SLCO6A1: variants seen among roughly 807,000 people sequenced by gnomAD.
SLCO6A1 encodes solute carrier organic anion transporter family member 6A1.
Under a neutral mutation model 72.7 loss-of-function variants are expected in SLCO6A1, and 65 were observed. The observed-to-expected ratio is 0.89, with a 90% CI of 0.73 to 1.10. The LOEUF is 1.10. Ranked by LOEUF, SLCO6A1 falls within the 50% of genes least tolerant of loss-of-function variation. The pLI is 0.00. For missense variants in SLCO6A1, 874 were observed against 872.6 expected (o/e 1.00, Z -0.02); for synonymous variants, 314 against 298.2 (o/e 1.05, Z -0.55).
intron 4 of SLCO6A1, 135 bp downstream of exon 4, chr5:102,475,562 T>G: frequency 3.7e-6 from 2 of 538,360 alleles, no homozygotes; most frequent in Non-Finnish European, 6.4e-6. Context: ...TATGTGCATA[T>G]GTCACATTTG....
chr5:102,396,121 C>T lies in SLCO6A1; in HGVS notation c.1814+3434G>A, dbSNP rs535025250. On this transcript the variant is annotated intron_variant, in intron 10 of 13. Transcript: ENST00000506729. ...TTAGACATGAAGTCCTTGCCCATGCCTATGTGCTGAATGGTATTGCCTAGG... is the reference window on the plus strand; with the variant it reads ...TTAGACATGAAGTCCTTGCCCATGCTTATGTGCTGAATGGTATTGCCTAGG... Among the ~76,000 whole-genome samples, 25 of 152,278 alleles carry T rather than the reference C, an allele frequency of 1.6e-4. 1 individual carries two copies. In the South Asian group the frequency reaches 3.9e-3, roughly 24 times the overall value.
intron 6 of SLCO6A1, among the ~76,000 whole-genome samples, chr5:102,456,271 G>A (rs10434749): frequency 0.26 from 39,259 of 151,982 alleles, 5,270 homozygotes; most frequent in South Asian, 0.34. Context: ...TCAGGTAGGA[G>A]AATGAAATAA....
intron 10 of SLCO6A1, among the ~76,000 whole-genome samples, chr5:102,397,787 T>C (rs1277971595): frequency 6.6e-6 from 1 of 152,216 alleles, no homozygotes; most frequent in Non-Finnish European, 1.5e-5. Flanking sequence ...CCAGTCCTGC[T>C]TAAATTTTGG....
At chr5:102,412,355 A>C (rs1322668091) in intron 9 of SLCO6A1, among the ~76,000 whole-genome samples, 2 of 152,172 alleles carry the variant, frequency 1.3e-5, no homozygotes, top group Non-Finnish European at 2.9e-5. Context: ...GCTGAGAATA[A>C]GTCTCTTCAA....
At chr5:102,447,696 A>G (rs1412067966) in intron 6 of SLCO6A1, among the ~76,000 whole-genome samples, 2 of 152,094 alleles carry the variant, frequency 1.3e-5, no homozygotes, top group South Asian at 4.1e-4. Flanking sequence ...GGTTTTTTGT[A>G]TAACTGTGAG....
At chr5:102,447,450 C>T (rs982550028) in intron 6 of SLCO6A1, among the ~76,000 whole-genome samples, 2 of 152,116 alleles carry the variant, frequency 1.3e-5, no homozygotes, top group African/African-American at 4.8e-5. Flanking sequence ...TGGTTATCAG[C>T]TCTTCTTTAT....
intron 6 of SLCO6A1, among the ~76,000 whole-genome samples, chr5:102,442,447 T>C (rs1243485589): frequency 6.6e-6 from 1 of 152,246 alleles, no homozygotes; most frequent in Non-Finnish European, 1.5e-5. Context: ...ATACATGTAA[T>C]GGTTTAATAC....
At chr5:102,460,069 C>CT (rs34866526) in intron 4 of SLCO6A1, among the ~76,000 whole-genome samples, 32,330 of 151,732 alleles carry the variant, frequency 0.21, 4,507 homozygotes, top group Non-Finnish European at 0.28. Context: ...TCCTATTTAA[C>CT]TTTTTTTTAT....
chr5:102,447,629 C>T (rs769549288), intron 6 of SLCO6A1, among the ~76,000 whole-genome samples: 5 of 152,170 alleles, frequency 3.3e-5, no homozygotes, highest in African/African-American at 7.2e-5. Flanking sequence ...GAAATTTATC[C>T]GTTTCTTCCA....
intron 4 of SLCO6A1, among the ~76,000 whole-genome samples, chr5:102,474,228 C>T (rs895091021): frequency 2.0e-5 from 3 of 151,950 alleles, no homozygotes; most frequent in Non-Finnish European, 4.4e-5. Flanking sequence ...TAAAGACCGA[C>T]ACACAGACCA....
At position 102,459,669 on chromosome 5, in the gene SLCO6A1, T is replaced by C; in HGVS notation, c.1008A>G (p.Pro336=). The change falls in exon 5 of 14, where the codon CCA becomes CCG. Residue 336 remains proline, a synonymous_variant. Coordinates refer to ENST00000506729, the MANE Select transcript of SLCO6A1 (RefSeq NM_173488.5). ...TTTTATAGTCACCTGGCATATTGTTTGGAAAGCATGACAATGGTATTAATG... is the reference window on the plus strand; with the variant it reads ...TTTTATAGTCACCTGGCATATTGTTCGGAAAGCATGACAATGGTATTAATG... ...WCTLIPLSCF[P]NNMPGSTRIK... 6.3e-7 allele frequency: 1 copy of C among 1,586,752 alleles called. No individual in the cohort carries two copies. Among genetic ancestry groups the C allele is most frequent in the Non-Finnish European group, 8.5e-7 (1 of 1,172,234 alleles).
chr5:102,394,122 C>T (rs974250768), intron 10 of SLCO6A1, among the ~76,000 whole-genome samples: 1 of 152,122 alleles, frequency 6.6e-6, no homozygotes, highest in African/African-American at 2.4e-5. Context: ...CTTCTGCTCT[C>T]TCCGGAATTT....
chr5:102,402,118 G>A (rs1028157532), intron 9 of SLCO6A1, among the ~76,000 whole-genome samples: 5 of 152,058 alleles, frequency 3.3e-5, no homozygotes, highest in Admixed American at 1.3e-4. Flanking sequence ...ATCAATAGCA[G>A]AATAATTGAA....
chr5:102,380,083 A>G (rs983175161), intron 12 of SLCO6A1, among the ~76,000 whole-genome samples: 3 of 152,040 alleles, frequency 2.0e-5, no homozygotes, highest in African/African-American at 7.2e-5. Flanking sequence ...ACTTTGCTGA[A>G]TTCATTTATT....
intron 12 of SLCO6A1, among the ~76,000 whole-genome samples, chr5:102,381,667 T>G (rs1015476874): frequency 4.6e-5 from 7 of 151,582 alleles, no homozygotes. Context: ...ATGGCTGTAC[T>G]AATTTGCATT....
intron 13 of SLCO6A1, among the ~76,000 whole-genome samples, chr5:102,373,075 A>C (rs1309623960): frequency 6.6e-6 from 1 of 151,940 alleles, no homozygotes; most frequent in Non-Finnish European, 1.5e-5. Context: ...CACGTCAGTT[A>C]AAATTAACCT....
chr5:102,483,830 T>A (rs955052374), intron 1 of SLCO6A1, among the ~76,000 whole-genome samples: 13 of 152,196 alleles, frequency 8.5e-5, no homozygotes, highest in Admixed American at 6.5e-4. Context: ...GATGCCTTTA[T>A]CCTAATTCTC....
chr5:102,498,828 G>A lies in SLCO6A1; in HGVS notation c.17C>T (p.Ala6Val), dbSNP rs1178339705. The A allele has an allele frequency of 1.2e-6, 2 of 1,610,520 alleles. No individual in the cohort carries two copies. The highest frequency in any genetic ancestry group is 2.7e-5 in the African/African-American group (2 of 74,856). ...TTCATCCTGGCTCCCAGAGTGCCGG[G>A]CGACGCCTACGAACATGGCTCACCC... Reference protein sequence around the residue: MFVGVARHSGSQDEVS... With the variant: MFVGVVRHSGSQDEVS... Residue 6 changes from alanine to valine, a missense_variant, in exon 1 of 14, where the codon GCC (alanine) becomes GTC (valine). By Grantham distance (64) the Ala-to-Val change is moderately conservative. Coordinates refer to ENST00000506729, the MANE Select transcript of SLCO6A1 (RefSeq NM_173488.5).
At chr5:102,492,585 AGGC>A (rs1561505562) in intron 1 of SLCO6A1, among the ~76,000 whole-genome samples, 8 of 152,140 alleles carry the variant, frequency 5.3e-5, no homozygotes, top group South Asian at 2.1e-4. Context: ...GAAGCAGGGG[AGGC>A]ATTGCCTCAC....
Sources: gnomAD v4.1 joint callset for allele counts (sites outside exome capture counted in the v4.1 genomes callset) on GRCh38, gnomAD v4.1.1 for gene constraint, MANE v1.5 for transcripts, NCBI Gene and HGNC (gene_info 2026-07-23, HGNC 2026-07-21) for gene names.